The following PIDD1 variants were observed in gnomAD, a reference collection of about 807,000 sequenced individuals.
PIDD1 encodes p53-induced death domain protein 1, also known as p53-induced death domain-containing protein 1.
PIDD1 carries 72 observed loss-of-function variants against 80.0 expected under a neutral mutation model. The observed-to-expected ratio is 0.90, with a 90% confidence interval of 0.74 to 1.09. The LOEUF is 1.09. Among genes scored for constraint, PIDD1 ranks in the 50% least tolerant of loss-of-function variants. The pLI, the probability that PIDD1 is intolerant of heterozygous loss-of-function variation, is 0.00. For synonymous variants in PIDD1, 655 were observed against 543.5 expected (o/e 1.21, Z -2.85); for missense variants, 1,329 against 1,228.3 (o/e 1.08, Z -1.23).
chr11:802,254 G>A lies in PIDD1; in HGVS notation c.1117C>T (p.His373Tyr), dbSNP rs749298502. 4 of 1,611,854 alleles carry A rather than the reference G, an allele frequency of 2.5e-6. No individual in the cohort carries two copies. The Admixed American group carries it at 6.7e-5, about 27-fold the overall frequency. Residue 373 changes from histidine (H) to tyrosine (Y), a missense_variant, in exon 6 of 16, where the codon CAT (histidine) becomes TAT (tyrosine). Physicochemically the swap from His to Tyr is moderately conservative, Grantham distance 83 (BLOSUM62 2). Transcript: ENST00000347755. ...AGCACATGGCTGAGCAGGGCGTCAT[G>A]AGGACCCAGGGGGACGAGGCCTGGC... Reference protein sequence around the residue: ...PEPGLVPLGPHDALLSHVLEL... With the variant: ...PEPGLVPLGPYDALLSHVLEL...
chr11:808,126 T>TA (rs71022977), upstream of PIDD1, among the ~76,000 whole-genome samples: 101,667 of 150,522 alleles, frequency 0.68, 34,505 homozygotes, highest in Admixed American at 0.71. Flanking sequence ...TTTGGGATAA[T>TA]AAAAAAAAAG....
At chr11:803,630 C>G (rs761782167) in intron 2 of PIDD1, 43 bp from the exon 3 acceptor site, 2 of 1,564,166 alleles carry the variant, frequency 1.3e-6, no homozygotes, top group Non-Finnish European at 1.7e-6. Context: ...AGCCAGGGTC[C>G]GAGGTCCCAG....
In PIDD1 at chr11:803,428, G is replaced by A. The variant is rs779465093; in HGVS notation, c.455C>T (p.Ala152Val). The change falls in exon 3 of 16, where the codon GCG (alanine) becomes GTG (valine). Residue 152 changes from alanine (A) to valine (V), a missense_variant. By Grantham distance (64) the Ala-to-Val change is moderately conservative (BLOSUM62 0). Transcript: ENST00000347755. ...ACVLQMRGLG[A>V]LLLSHNCLSE... ...GAGGCAGTTGTGAGACAGCAAGAGC[G>A]CACCCAGACCTCGCATCTGCAGGAC... The A allele has an allele frequency of 2.5e-6, 4 of 1,613,848 alleles. No homozygotes were observed. Among genetic ancestry groups the A allele is most frequent in the African/African-American group, 2.7e-5 (2 of 75,040 alleles).
intron 2 of PIDD1, 178 bp from the exon 3 acceptor site, chr11:803,765 C>G (rs1865573859): frequency 1.4e-6 from 1 of 725,854 alleles, no homozygotes; most frequent in South Asian, 1.8e-5. Context: ...TGGAAGGAGG[C>G]AGGGGTGGAG....
At chr11:800,709 C>T (rs1189737152) in intron 11 of PIDD1, 43 bp from the exon 12 acceptor site, 1 of 1,550,846 alleles carries the variant, frequency 6.4e-7, no homozygotes, top group Non-Finnish European at 8.7e-7. Flanking sequence ...AGCTCTGCAC[C>T]CCACCCCAGC....
Position 803,337 on chromosome 11 carries a change from G to A in PIDD1, c.546C>T (p.Arg182=). Residue 182 remains arginine, a synonymous_variant, in exon 3 of 16, where the codon CGC becomes CGT. Coordinates refer to ENST00000347755, the MANE Select transcript of PIDD1 (RefSeq NM_145886.4). ...CCAGTGCTGGGGGCAGCGTCTGCAG[G>A]CGGTTGTGTGTCACTGTGAGGAAGG... The part of the protein sequence containing the change: ...ALTFLTVTHN[R]LQTLPPALGA... The A allele has an allele frequency of 1.9e-6, 3 of 1,613,998 alleles. No homozygotes were observed. The highest frequency in any genetic ancestry group is 2.5e-6 in the Non-Finnish European group (3 of 1,179,998).
chr11:804,017 G>A (rs1371512810), intron 2 of PIDD1, 77 bp downstream of exon 2: 2 of 1,472,030 alleles, frequency 1.4e-6, no homozygotes, highest in African/African-American at 1.4e-5. Context: ...TGGGACTGGG[G>A]TTTGCCTTTG....
In PIDD1 at chr11:804,216, GGCT is replaced by G; in HGVS notation, c.170_172del (p.Gln57del). 1 of 1,613,120 alleles carries G rather than the reference GGCT, an allele frequency of 6.2e-7. No homozygotes were observed. The highest frequency in any genetic ancestry group is 8.5e-7 in the Non-Finnish European group (1 of 1,179,882). Reference sequence around the variant, plus strand: ...GAATTCCACCTGCAGCAGCTGCAGAGGCTGCTGGACACACAGGTGCAGCAGCTG... The same window carrying G: ...GAATTCCACCTGCAGCAGCTGCAGAGGCTGGACACACAGGTGCAGCAGCTG... On this transcript the variant is annotated inframe_deletion, in exon 2 of 16. Transcript: ENST00000347755.
chr11:800,504 T>TC, intron 12 of PIDD1, 39 bp downstream of exon 12: 1 of 1,609,486 alleles, frequency 6.2e-7, no homozygotes, highest in African/African-American at 1.3e-5. Flanking sequence ...ACGGTAAGGC[T>TC]CCCCCTCCAG....
chr11:805,106 G>A, intron 1 of PIDD1, 73 bp downstream of exon 1: 1 of 639,274 alleles, frequency 1.6e-6, no homozygotes, highest in Non-Finnish European at 1.9e-6. Flanking sequence ...CGTCGGGGAT[G>A]GGAACGGCCC....
rs1445088364 is a variant in PIDD1 at position 799,313 on chromosome 11, C to G, written c.2727G>C (p.Gln909His). 8.8e-6 allele frequency: 14 copies of G among 1,597,804 alleles called. No homozygotes were observed. The highest frequency in any genetic ancestry group is 1.1e-5 in the Non-Finnish European group (13 of 1,173,620). Residue 909 changes from glutamine to histidine, a missense_variant, in exon 16 of 16, where the codon CAG becomes CAC. Gln to His is a conservative substitution (Grantham distance 24). Coordinates refer to ENST00000347755, the MANE Select transcript of PIDD1 (RefSeq NM_145886.4). ...GCCTAAAAGTCTGTGGGGCCTAGGC[C>G]TGGGCAGGCTCTGGGGGCTGTGGAG... ...SSAPQPPEPA[Q>H]A
At position 800,846 on chromosome 11, in the gene PIDD1, C is replaced by A. The variant is rs1590138516; in HGVS notation, c.1833G>T (p.Leu611=). ...GGLARKAWER[L]RLHRVNLIAL... ...CGATGAGGTTCACACGGTGCAGCCG[C>A]AGCCGCTCCCAGGCCTTCCGAGCCA... The change falls in exon 11 of 16, where the codon CTG becomes CTT. Residue 611 remains leucine (L), a synonymous_variant. Coordinates refer to ENST00000347755, the MANE Select transcript of PIDD1 (RefSeq NM_145886.4). The A allele has an allele frequency of 6.4e-7, 1 of 1,571,708 alleles. No homozygotes were observed. Among genetic ancestry groups the A allele is most frequent in the Non-Finnish European group, 8.6e-7 (1 of 1,158,912 alleles).
intron 1 of PIDD1, 153 bp downstream of exon 1, chr11:805,026 T>TGCACCGC: frequency 5.6e-6 from 1 of 177,296 alleles, no homozygotes; most frequent in Non-Finnish European, 1.1e-5. Context: ...GGGAGGGTGG[T>TGCACCGC]GCACCGCGCA....
chr11:804,883 AAGTC>A (rs1301115651), intron 1 of PIDD1: 1 of 155,704 alleles, frequency 6.4e-6, no homozygotes, highest in East Asian at 1.9e-4. Flanking sequence ...TGCGCCCCGA[AAGTC>A]AGGGAAGGCC....
upstream of PIDD1, chr11:805,595 T>C: frequency 1.0e-6 from 1 of 984,512 alleles, no homozygotes. Context: ...GGGGGTACTC[T>C]TGCCGCTGCC....
At chr11:809,165 T>C (rs942103081), upstream of PIDD1, among the ~76,000 whole-genome samples, 6 of 152,198 alleles carry the variant, frequency 3.9e-5, no homozygotes, top group Non-Finnish European at 5.9e-5. Flanking sequence ...CCCGAGAATG[T>C]AGCGGGGTCC....
Position 800,172 on chromosome 11 carries a change from CGCCCTT to C in PIDD1, c.2227_2232del (p.Lys743_Gly744del), listed in dbSNP as rs755843286. ...AGAGTGGCCATCCACAGGGCGTCTG[CGCCCTT>C]CCTCTGCCGGGCAGCCTCAGCCTCC... is the stretch of plus-strand genomic sequence containing the variant. On this transcript the variant is annotated inframe_deletion, in exon 14 of 16. Transcript: ENST00000347755. 1.2e-6 allele frequency: 2 copies of C among 1,610,700 alleles called. No homozygotes were observed. The highest frequency in any genetic ancestry group is 2.2e-5 in the South Asian group (2 of 90,934).
chr11:801,164 A>AC, intron 9 of PIDD1, 44 bp from the exon 10 acceptor site: 1 of 1,542,668 alleles, frequency 6.5e-7, no homozygotes, highest in Admixed American at 1.9e-5. Context: ...CTGGCCGGAG[A>AC]CCCCCTCCAC....
chr11:808,068 C>T (rs1351092403), upstream of PIDD1, among the ~76,000 whole-genome samples: 1 of 151,850 alleles, frequency 6.6e-6, no homozygotes, highest in African/African-American at 2.4e-5. Flanking sequence ...ATGTGTTTAT[C>T]AAGGGTGGGG....
Sources: allele counts gnomAD v4.1 joint callset (sites outside exome capture counted in the v4.1 genomes callset), GRCh38; gene constraint gnomAD v4.1.1; transcripts MANE v1.5; gene names NCBI Gene and HGNC (gene_info 2026-07-23, HGNC 2026-07-21).